PEMT: variants seen among roughly 807,000 people sequenced by gnomAD.
The protein encoded by PEMT is phospholipid methyltransferase.
Under a neutral mutation model 27.4 loss-of-function variants are expected in PEMT, and 23 were observed. The ratio of observed to expected loss-of-function variants is 0.84; its 90% CI spans 0.60 to 1.19. The LOEUF (loss-of-function observed/expected upper bound fraction) is 1.19. Ranked by LOEUF, PEMT falls within the 50% of genes most tolerant of loss-of-function variation. PEMT has a pLI of 0.00. For synonymous variants in PEMT, 137 were observed against 139.1 expected (o/e 0.98, Z 0.11); for missense variants, 307 against 310.1 (o/e 0.99, Z 0.07).
At chr17:17,591,835 A>T, upstream of PEMT, 1 of 1,373,834 alleles carries the variant, frequency 7.3e-7, no homozygotes. Flanking sequence ...GGAGCCGAGA[A>T]CTACAAGTCC....
chr17:17,576,420 C>T (rs1463131796), intron 2 of PEMT, among the ~76,000 whole-genome samples: 1 of 152,202 alleles, frequency 6.6e-6, no homozygotes, highest in Non-Finnish European at 1.5e-5. Context: ...ACCCAGCTCG[C>T]CTAGGTCCGG....
chr17:17,529,430 G>A (rs4646396), intron 2 of PEMT, among the ~76,000 whole-genome samples: 70,218 of 152,080 alleles, frequency 0.46, 16,856 homozygotes, highest in Non-Finnish European at 0.54. Context: ...CAGCCTGCTC[G>A]AGGGCTCCAA....
intron 2 of PEMT, among the ~76,000 whole-genome samples, chr17:17,530,523 C>T: frequency 6.6e-6 from 1 of 151,962 alleles, no homozygotes; most frequent in East Asian, 1.9e-4. Flanking sequence ...AAAGGAACTA[C>T]TAGAAATCCA....
intron 2 of PEMT, among the ~76,000 whole-genome samples, chr17:17,547,111 G>A (rs542930988): frequency 6.6e-6 from 1 of 152,400 alleles, no homozygotes; most frequent in Non-Finnish European, 1.5e-5. Flanking sequence ...CGCTGTTACT[G>A]CAGGATAATT....
intron 2 of PEMT, among the ~76,000 whole-genome samples, chr17:17,538,224 A>G (rs1908621730): frequency 6.6e-6 from 1 of 152,222 alleles, no homozygotes; most frequent in Non-Finnish European, 1.5e-5. Context: ...CACTCCATCA[A>G]TACACGCTGA....
chr17:17,577,909 C>T (rs1419555600), intron 1 of PEMT, among the ~76,000 whole-genome samples: 1 of 150,568 alleles, frequency 6.6e-6, no homozygotes, highest in Admixed American at 6.7e-5. Context: ...CCCAGCTACT[C>T]AGGAGACTGA....
chr17:17,583,881 G>T (rs1912104658), intron 1 of PEMT, among the ~76,000 whole-genome samples: 1 of 152,192 alleles, frequency 6.6e-6, no homozygotes, highest in African/African-American at 2.4e-5. Flanking sequence ...GTCACAATGC[G>T]ACTGTGGTCT....
chr17:17,543,620 G>A (rs1909044946), intron 2 of PEMT, among the ~76,000 whole-genome samples: 1 of 152,102 alleles, frequency 6.6e-6, no homozygotes, highest in Non-Finnish European at 1.5e-5. Context: ...TGGAGGGCAG[G>A]GGCACGATCT....
Position 17,591,614 on chromosome 17 carries a change from C to CA in PEMT, c.12dup (p.Gly5TrpfsTer16). The CA allele has an allele frequency of 6.2e-7, 1 of 1,612,696 alleles. No homozygotes were observed. The highest frequency in any genetic ancestry group is 8.5e-7 in the Non-Finnish European group (1 of 1,179,464). On this transcript the variant is annotated frameshift_variant, in exon 1 of 7. Transcript: ENST00000255389. LOFTEE classifies it high-confidence loss of function. Reference sequence around the variant, plus strand: ...TTCGTTACCTCGGCTCCCGGGTTCCCAGATCTCTTCATCCGGGGGCCGCCT... The same window carrying CA: ...TTCGTTACCTCGGCTCCCGGGTTCCCAAGATCTCTTCATCCGGGGGCCGCCT...
At chr17:17,549,033 T>C (rs962870203) in intron 2 of PEMT, among the ~76,000 whole-genome samples, 4 of 152,062 alleles carry the variant, frequency 2.6e-5, no homozygotes, top group Non-Finnish European at 5.9e-5. Flanking sequence ...CTTTTTTTTT[T>C]TGAGACAAGG....
chr17:17,542,582 G>C (rs1046656636), intron 2 of PEMT, among the ~76,000 whole-genome samples: 1 of 152,194 alleles, frequency 6.6e-6, no homozygotes, highest in African/African-American at 2.4e-5. Context: ...GGGCCTTCGT[G>C]TTTTGGTGGG....
intron 2 of PEMT, among the ~76,000 whole-genome samples, chr17:17,534,365 T>G (rs1282815126): frequency 2.0e-5 from 3 of 152,232 alleles, no homozygotes; most frequent in Non-Finnish European, 4.4e-5. Flanking sequence ...TATGATTCCA[T>G]TTTCATAAAA....
At position 17,574,389 on chromosome 17, in the gene PEMT, G is replaced by A. The variant is rs537568362; in HGVS notation, c.204+2531C>T. Among the ~76,000 whole-genome samples, 5 of 144,912 alleles carry A rather than the reference G, an allele frequency of 3.5e-5. No homozygotes were observed. In the South Asian group the frequency reaches 6.5e-4, roughly 19 times the overall value. On this transcript the variant is annotated intron_variant, in intron 2 of 6. Coordinates refer to ENST00000255389, the MANE Select transcript of PEMT (RefSeq NM_148172.3). ...GGCTGGAGTACAGTGGTGCCATCTC[G>A]GCTCACTGCAACCTCCGCCTCCTGG... is the stretch of plus-strand genomic sequence containing the variant.
At chr17:17,536,114 A>C (rs1382831898) in intron 2 of PEMT, among the ~76,000 whole-genome samples, 1 of 152,204 alleles carries the variant, frequency 6.6e-6, no homozygotes, top group East Asian at 1.9e-4. Flanking sequence ...GATGACACCC[A>C]CAGCACAGTG....
intron 2 of PEMT, among the ~76,000 whole-genome samples, chr17:17,550,997 G>A (rs1909622099): frequency 6.6e-6 from 1 of 152,228 alleles, no homozygotes; most frequent in Non-Finnish European, 1.5e-5. Flanking sequence ...GCCCACGTGT[G>A]CAGATTGGTG....
intron 1 of PEMT, among the ~76,000 whole-genome samples, chr17:17,587,987 G>A (rs1912406680): frequency 6.6e-6 from 1 of 152,186 alleles, no homozygotes. Context: ...AGGATAATAT[G>A]TTAGGACCAG....
At chr17:17,530,683 T>C (rs1555539136) in intron 2 of PEMT, among the ~76,000 whole-genome samples, 1 of 152,174 alleles carries the variant, frequency 6.6e-6, no homozygotes, top group Non-Finnish European at 1.5e-5. Context: ...AAATCTATTG[T>C]TGGTGATAAA....
chr17:17,588,187 C>A (rs996763061), intron 1 of PEMT, among the ~76,000 whole-genome samples: 2 of 152,134 alleles, frequency 1.3e-5, no homozygotes, highest in Non-Finnish European at 2.9e-5. Context: ...TGGCTGATGC[C>A]AAAATTACTG....
At chr17:17,538,916 AG>A (rs1204319490) in intron 2 of PEMT, among the ~76,000 whole-genome samples, 4 of 152,238 alleles carry the variant, frequency 2.6e-5, no homozygotes, top group Non-Finnish European at 5.9e-5. Context: ...GCTGGGGCTC[AG>A]GTTTCCAAGC....
Sources: allele counts gnomAD v4.1 joint callset (sites outside exome capture counted in the v4.1 genomes callset), GRCh38; gene constraint gnomAD v4.1.1; transcripts MANE v1.5; gene names NCBI Gene and HGNC (gene_info 2026-07-23, HGNC 2026-07-21).